SVIP: variants seen among roughly 807,000 people sequenced by gnomAD.
SVIP encodes the protein small VCP/p97-interacting protein.
SVIP carries 14 observed loss-of-function variants against 12.9 expected under a neutral mutation model. The observed-to-expected ratio is 1.08, with a 90% CI of 0.72 to 1.70. The LOEUF (loss-of-function observed/expected upper bound fraction) is 1.70, where lower values mean the gene tolerates loss of function less well. Among genes scored for constraint, SVIP ranks in the 40% most tolerant of loss-of-function variants. The pLI is 0.00. For missense variants in SVIP, 93 were observed against 90.8 expected (o/e 1.02, Z -0.10); for synonymous variants, 35 against 33.3 (o/e 1.05, Z -0.17).
chr11:22,826,153 T>C (rs967306059), intron 3 of SVIP, among the ~76,000 whole-genome samples: 11 of 152,190 alleles, frequency 7.2e-5, no homozygotes, highest in African/African-American at 2.7e-4. Context: ...ATAAAAAAAC[T>C]TCATAAATTT....
intron 1 of SVIP, 110 bp downstream of exon 1, chr11:22,829,585 C>A: frequency 8.6e-7 from 1 of 1,164,738 alleles, no homozygotes. Context: ...CAGGGTCCCC[C>A]AGCGGGCTCT....
At position 22,819,105 on chromosome 11, in the gene SVIP, G is replaced by A. The variant is rs997509381; in HGVS notation, c.*4014C>T. 2.6e-5 allele frequency: 4 copies of A among 152,134 alleles called. No individual in the cohort carries two copies. Among genetic ancestry groups the A allele is most frequent in the Admixed American group, 2.0e-4 (3 of 15,280 alleles). 9.4% of individuals were successfully genotyped at this position (152,134 alleles called of 1,614,324 possible). Reference sequence around the variant, plus strand: ...CTTTCATATACTTTTCATTCTGCAAGATTACTAAAGTCATTTATTAGTTCC... The same window carrying A: ...CTTTCATATACTTTTCATTCTGCAAAATTACTAAAGTCATTTATTAGTTCC... On this transcript the variant is annotated 3_prime_UTR_variant, in exon 4 of 4. Coordinates refer to ENST00000354193, the MANE Select transcript of SVIP (RefSeq NM_148893.3).
At position 22,823,106 on chromosome 11, in the gene SVIP, C is replaced by G; in HGVS notation, c.*13G>C. ...CAGTTATTGGCAGTAGATTCTTCTA[C>G]TCATGTTATGCTTTATGAAACTGTC... On this transcript the variant is annotated 3_prime_UTR_variant, in exon 4 of 4. Coordinates refer to ENST00000354193, the MANE Select transcript of SVIP (RefSeq NM_148893.3). 6.3e-7 allele frequency: 1 copy of G among 1,584,502 alleles called. No homozygotes were observed. Among genetic ancestry groups the G allele is most frequent in the Non-Finnish European group, 8.6e-7 (1 of 1,166,390 alleles).
At chr11:22,825,088 G>A (rs979665697) in intron 3 of SVIP, among the ~76,000 whole-genome samples, 2 of 151,982 alleles carry the variant, frequency 1.3e-5, no homozygotes, top group African/African-American at 4.8e-5. Context: ...TAGGTGAAAG[G>A]CATGAAGACA....
rs1438192207 is a variant in SVIP, at chr11:22,819,035, T to A, written c.*4084A>T. The A allele has an allele frequency of 2.0e-5, 3 of 152,222 alleles. No homozygotes were observed. Among genetic ancestry groups the A allele is most frequent in the Non-Finnish European group, 4.4e-5 (3 of 68,040 alleles). The allele number at this position is 152,222 out of a possible 1,614,324, so 9.4% of individuals were successfully genotyped here. ...ATATTGTAATTTAAATTTTCCCACT[T>A]TCAATTACAGATTTTTCATTGCTTG... On this transcript the variant is annotated 3_prime_UTR_variant, in exon 4 of 4. Transcript: ENST00000354193.
chr11:22,823,101 T>C lies in SVIP; in HGVS notation c.*18A>G. ...ATAAACAGTTATTGGCAGTAGATTCTTCTACTCATGTTATGCTTTATGAAA... is the reference window on the plus strand; with the variant it reads ...ATAAACAGTTATTGGCAGTAGATTCCTCTACTCATGTTATGCTTTATGAAA... On this transcript the variant is annotated 3_prime_UTR_variant, in exon 4 of 4. Coordinates refer to ENST00000354193, the MANE Select transcript of SVIP (RefSeq NM_148893.3). 1 of 1,581,476 alleles carries C rather than the reference T, an allele frequency of 6.3e-7. No individual in the cohort carries two copies. Among genetic ancestry groups the C allele is most frequent in the Non-Finnish European group, 8.6e-7 (1 of 1,164,034 alleles).
At chr11:22,823,445 GCAAATGAATGGCCAAGGACAGCT>G (rs1188058130) in intron 3 of SVIP, among the ~76,000 whole-genome samples, 1 of 152,184 alleles carries the variant, frequency 6.6e-6, no homozygotes, top group African/African-American at 2.4e-5. Context: ...TCCTGGGATA[GCAAATGAATGGCCAAGGACAGCT>G]CAAGTTCTGT....
intron 1 of SVIP, among the ~76,000 whole-genome samples, chr11:22,828,796 A>G (rs1857826861): frequency 6.6e-6 from 1 of 152,342 alleles, no homozygotes; most frequent in African/African-American, 2.4e-5. Flanking sequence ...AATTTTTAGT[A>G]TCTATAGTAG....
In SVIP at chr11:22,819,644, T is replaced by G. The variant is rs1043102028; in HGVS notation, c.*3475A>C. 1 of 152,324 alleles carries G rather than the reference T, an allele frequency of 6.6e-6. No homozygotes were observed. Among genetic ancestry groups the G allele is most frequent in the African/African-American group, 2.4e-5 (1 of 41,454 alleles). 9.4% of individuals were successfully genotyped at this position (152,324 alleles called of 1,614,324 possible). On this transcript the variant is annotated 3_prime_UTR_variant, in exon 4 of 4. Transcript: ENST00000354193. ...AAAATTAGTCAGGCGTGGTGGCACA[T>G]GCCTGCAATCCCAGCTACTAGGGAG...
At chr11:22,826,298 G>A (rs755226066) in intron 3 of SVIP, among the ~76,000 whole-genome samples, 4 of 151,996 alleles carry the variant, frequency 2.6e-5, no homozygotes, top group South Asian at 2.1e-4. Context: ...CACAAGTTAC[G>A]AGAGTATCTA....
At chr11:22,829,085 G>GA (rs1857840564) in intron 1 of SVIP, among the ~76,000 whole-genome samples, 1 of 152,026 alleles carries the variant, frequency 6.6e-6, no homozygotes, top group Admixed American at 6.6e-5. Flanking sequence ...TCTGAAATTC[G>GA]AATGTAACTG....
At position 22,829,743 on chromosome 11, in the gene SVIP, C is replaced by G; in HGVS notation, c.6G>C (p.Gly2=). Residue 2 remains glycine, a synonymous_variant, in exon 1 of 4, where the codon GGG becomes GGC. Transcript: ENST00000354193. Reference sequence around the variant, plus strand: ...ACTCCCCGGGACAAGGAAAACACAGCCCCATAGGGACGACAGCTTGAGAAC... The same window carrying G: ...ACTCCCCGGGACAAGGAAAACACAGGCCCATAGGGACGACAGCTTGAGAAC... M[G]LCFPCPGESA... is the part of the protein sequence containing the mutation. 6.2e-7 allele frequency: 1 copy of G among 1,606,804 alleles called. No individual in the cohort carries two copies. Among genetic ancestry groups the G allele is most frequent in the Non-Finnish European group, 8.5e-7 (1 of 1,177,466 alleles).
intron 1 of SVIP, 26 bp downstream of exon 1, chr11:22,829,669 C>G: frequency 6.4e-7 from 1 of 1,571,592 alleles, no homozygotes; most frequent in Non-Finnish European, 8.6e-7. Flanking sequence ...CGCGGCCCGG[C>G]GGACGCAGGG....
Position 22,821,002 on chromosome 11 carries a change from T to G in SVIP, c.*2117A>C, listed in dbSNP as rs1857460246. On this transcript the variant is annotated 3_prime_UTR_variant, in exon 4 of 4. Transcript: ENST00000354193. The stretch of plus-strand genomic sequence containing the variant: ...CACTTAAGGTTTTCATAGAAACTGA[T>G]GGTTATTTTATGAGGGAGATGTCTG... The G allele has an allele frequency of 6.6e-6, 1 of 151,520 alleles. No individual in the cohort carries two copies. Among genetic ancestry groups the G allele is most frequent in the South Asian group, 2.1e-4 (1 of 4,812 alleles). The allele number at this position is 151,520 out of a possible 1,614,324, so 9.4% of individuals were successfully genotyped here.
intron 3 of SVIP, 70 bp downstream of exon 3, chr11:22,827,137 G>A: frequency 2.6e-6 from 3 of 1,175,142 alleles, no homozygotes; most frequent in South Asian, 2.6e-5. Context: ...AGAAAATTAT[G>A]AATGGATTGC....
intron 3 of SVIP, among the ~76,000 whole-genome samples, chr11:22,825,682 T>A (rs1282659820): frequency 6.6e-6 from 1 of 152,140 alleles, no homozygotes; most frequent in East Asian, 1.9e-4. Flanking sequence ...TCTATAGACT[T>A]CAGAGTGTGG....
chr11:22,822,909 G>T lies in SVIP; in HGVS notation c.*210C>A. 1.2e-5 allele frequency: 6 copies of T among 497,114 alleles called. No homozygotes were observed. In the South Asian group the frequency reaches 1.9e-4, roughly 15 times the overall value. The allele number at this position is 497,114 out of a possible 1,614,324, so 30.8% of individuals were successfully genotyped here. A position where few individuals can be genotyped will look rare whatever the true frequency, so the allele number is the denominator to read the frequency against. Reference sequence around the variant, plus strand: ...CAAATCACCCACTAACTGCAGAAGAGCAAATGTAGGAAAATCAGTATTTAA... The same window carrying T: ...CAAATCACCCACTAACTGCAGAAGATCAAATGTAGGAAAATCAGTATTTAA... On this transcript the variant is annotated 3_prime_UTR_variant, in exon 4 of 4. Transcript: ENST00000354193.
intron 3 of SVIP, among the ~76,000 whole-genome samples, chr11:22,825,854 A>G (rs1857679357): frequency 6.6e-6 from 1 of 152,170 alleles, no homozygotes; most frequent in Non-Finnish European, 1.5e-5. Flanking sequence ...TAATACCTTC[A>G]CCACTTCTAC....
At chr11:22,825,872 T>C (rs944704223) in intron 3 of SVIP, among the ~76,000 whole-genome samples, 1 of 152,212 alleles carries the variant, frequency 6.6e-6, no homozygotes, top group Non-Finnish European at 1.5e-5. Context: ...TACTGTGAAA[T>C]AGTGGATCTC....
Sources: allele counts gnomAD v4.1 joint callset (sites outside exome capture counted in the v4.1 genomes callset), GRCh38; gene constraint gnomAD v4.1.1; transcripts MANE v1.5; gene names NCBI Gene and HGNC (gene_info 2026-07-23, HGNC 2026-07-21).